IFI16: variants seen among roughly 807,000 people sequenced by gnomAD.
IFI16 encodes gamma-interferon-inducible protein 16.
A neutral mutation model predicts 68.4 loss-of-function variants in IFI16; 49 were observed. The observed-to-expected ratio is 0.72, with a 90% CI of 0.57 to 0.91. The LOEUF (loss-of-function observed/expected upper bound fraction) is 0.91. Ranked by LOEUF, IFI16 falls within the 40% of genes least tolerant of loss-of-function variation. The probability of loss-of-function intolerance (pLI) is 0.00; values close to 1 mark genes in which losing one functional copy is unlikely to be tolerated. For missense variants in IFI16, 878 were observed against 942.9 expected, an observed-to-expected ratio of 0.93 and a Z score of 0.90; for synonymous variants, 307 against 315.0, an observed-to-expected ratio of 0.97 and a Z score of 0.27.
intron 6 of IFI16, among the ~76,000 whole-genome samples, chr1:159,030,549 A>G (rs1251934762): frequency 2.6e-5 from 4 of 152,164 alleles, no homozygotes; most frequent in Admixed American, 6.5e-5. Context: ...GAGCTGAACT[A>G]CAGTGATTGT....
At chr1:159,042,046 C>G (rs114131330) in intron 7 of IFI16, among the ~76,000 whole-genome samples, 1,782 of 152,302 alleles carry the variant, frequency 0.012, 43 homozygotes, top group African/African-American at 0.04. Context: ...TGCACCTAAA[C>G]CTCCCTTAGC....
intron 8 of IFI16, among the ~76,000 whole-genome samples, chr1:159,048,469 G>A (rs1325145593): frequency 6.6e-6 from 1 of 151,468 alleles, no homozygotes; most frequent in African/African-American, 2.4e-5. Flanking sequence ...CCTTTAATGA[G>A]CATAGACTGA....
chr1:159,029,863 G>A (rs561614981), intron 6 of IFI16, among the ~76,000 whole-genome samples: 7 of 152,052 alleles, frequency 4.6e-5, no homozygotes, highest in African/African-American at 1.2e-4. Flanking sequence ...TGTATTTTTA[G>A]TAGAGCCAGG....
chr1:159,018,859 C>T (rs539061155), intron 5 of IFI16, among the ~76,000 whole-genome samples: 2 of 152,292 alleles, frequency 1.3e-5, no homozygotes, highest in East Asian at 1.9e-4. Flanking sequence ...CTTCCCAGAG[C>T]ATTAAACTGT....
chr1:159,052,186 A>G lies in IFI16; in HGVS notation c.2085+88A>G. 4.8e-6 allele frequency: 5 copies of G among 1,037,882 alleles called. No individual in the cohort carries two copies. The Admixed American group carries it at 9.2e-5, about 19-fold the overall frequency. The allele number at this position is 1,037,882 out of a possible 1,614,324, so 64.3% of individuals were successfully genotyped here. ...TTGTCAACTGGAGTTTGGTCAACTT[A>G]CTCAACACAGAAAATCAACCCCTTC... On this transcript the variant is annotated intron_variant, in intron 10 of 11. Coordinates refer to ENST00000295809, the MANE Select transcript of IFI16 (RefSeq NM_001376587.1).
intron 6 of IFI16, among the ~76,000 whole-genome samples, chr1:159,029,488 G>A (rs930589198): frequency 6.6e-6 from 1 of 152,158 alleles, no homozygotes; most frequent in African/African-American, 2.4e-5. Flanking sequence ...TCTCCAGGGT[G>A]TTCCCCGGGT....
chr1:159,018,178 G>A (rs1205064176), intron 4 of IFI16, 51 bp from the exon 5 acceptor site: 4 of 1,495,142 alleles, frequency 2.7e-6, no homozygotes, highest in Middle Eastern at 3.5e-4. Context: ...TAGCAGTTCT[G>A]TATTTCTCAA....
chr1:159,018,511 A>C lies in IFI16; in HGVS notation c.832A>C (p.Thr278Pro). The C allele has an allele frequency of 6.2e-7, 1 of 1,614,058 alleles. No individual in the cohort carries two copies. The highest frequency in any genetic ancestry group is 8.5e-7 in the Non-Finnish European group (1 of 1,179,870). Residue 278 changes from threonine to proline, a missense_variant, in exon 5 of 12, where the codon ACT becomes CCT. By Grantham distance (38) the Thr-to-Pro change is conservative. Transcript: ENST00000295809. Reference protein sequence around the residue: ...DSLLEVNEESTVSEAGPNQTF... With the variant: ...DSLLEVNEESPVSEAGPNQTF... The stretch of plus-strand genomic sequence containing the variant: ...TCTCCTAGAGGTCAATGAAGAATCT[A>C]CTGTATCTGAAGCTGGTCCTAACCA...
chr1:159,012,833 C>T (rs999927313), intron 1 of IFI16, among the ~76,000 whole-genome samples: 2 of 152,106 alleles, frequency 1.3e-5, no homozygotes, highest in South Asian at 2.1e-4. Context: ...AGTTTGAAGA[C>T]GAACTTATTG....
intron 9 of IFI16, 126 bp downstream of exon 9, chr1:159,049,725 T>A (rs56016614): frequency 0.046 from 44,131 of 964,024 alleles, 1,182 homozygotes; most frequent in African/African-American, 0.092. Context: ...AAATCAGTCA[T>A]TTATTTATCA....
At chr1:159,003,648 T>C (rs1044415175), upstream of IFI16, among the ~76,000 whole-genome samples, 1 of 28,666 alleles carries the variant, frequency 3.5e-5, no homozygotes, top group Non-Finnish European at 1.7e-4. Context: ...TCCATAATTC[T>C]GTATTATTAT....
chr1:159,047,529 C>T (rs1170172757), intron 8 of IFI16, among the ~76,000 whole-genome samples: 10 of 149,946 alleles, frequency 6.7e-5, no homozygotes, highest in Non-Finnish European at 1.0e-4. Flanking sequence ...TAAGACCTTG[C>T]CTGCCTAAAT....
intron 6 of IFI16, among the ~76,000 whole-genome samples, chr1:159,031,781 A>C (rs1255426653): frequency 1.3e-5 from 2 of 152,120 alleles, no homozygotes; most frequent in African/African-American, 4.8e-5. Context: ...GCCTATTAAG[A>C]TATATTAGGA....
At position 159,018,315 on chromosome 1, in the gene IFI16, A is replaced by C; in HGVS notation, c.636A>C (p.Thr212=). The C allele has an allele frequency of 6.2e-7, 1 of 1,614,136 alleles. No individual in the cohort carries two copies. Reference sequence around the variant, plus strand: ...CAGTGATAGTGAAGGTACTGAGTACAACAAAGCCATTTGAATATGAGACCC... The same window carrying C: ...CAGTGATAGTGAAGGTACTGAGTACCACAAAGCCATTTGAATATGAGACCC... ...KRPVIVKVLS[T]TKPFEYETPE... is the part of the protein sequence containing the mutation. Residue 212 remains threonine (T), a synonymous_variant, in exon 5 of 12, where the codon ACA becomes ACC. Coordinates refer to ENST00000295809, the MANE Select transcript of IFI16 (RefSeq NM_001376587.1).
chr1:159,027,983 T>C (rs1021565294), intron 6 of IFI16, among the ~76,000 whole-genome samples: 4 of 152,220 alleles, frequency 2.6e-5, no homozygotes, highest in African/African-American at 7.2e-5. Flanking sequence ...ATTTATCTTT[T>C]GTGTTGTTCT....
At chr1:159,001,759 TAA>T (rs1446147557), upstream of IFI16, among the ~76,000 whole-genome samples, 1 of 152,178 alleles carries the variant, frequency 6.6e-6, no homozygotes, top group Admixed American at 6.5e-5. Context: ...ATAAGAAAAT[TAA>T]GACACCTTTT....
intron 11 of IFI16, among the ~76,000 whole-genome samples, chr1:159,054,383 A>T (rs1655554186): frequency 6.6e-6 from 1 of 152,240 alleles, no homozygotes; most frequent in Non-Finnish European, 1.5e-5. Context: ...TCAGGCACAC[A>T]CATGCTCTCA....
chr1:159,049,530 C>T lies in IFI16; in HGVS notation c.1596C>T (p.Gly532=). 1.9e-6 allele frequency: 3 copies of T among 1,604,828 alleles called. No homozygotes were observed. Among genetic ancestry groups the T allele is most frequent in the Non-Finnish European group, 1.7e-6 (2 of 1,175,516 alleles). The part of the protein sequence containing the change: ...HFPGPFMTSI[G]PAESHPHTPQ... Reference sequence around the variant, plus strand: ...CAGGACCGTTCATGACCAGCATAGGCCCAGCTGAGAGCCATCCCCACACTC... The same window carrying T: ...CAGGACCGTTCATGACCAGCATAGGTCCAGCTGAGAGCCATCCCCACACTC... Residue 532 remains glycine (G), a synonymous_variant, in exon 9 of 12, where the codon GGC becomes GGT. Transcript: ENST00000295809.
At chr1:159,038,817 A>G (rs1234470643) in intron 7 of IFI16, among the ~76,000 whole-genome samples, 2 of 152,188 alleles carry the variant, frequency 1.3e-5, no homozygotes, top group African/African-American at 4.8e-5. Context: ...ACTGTTGGGA[A>G]TCCTGAAGGA....
Sources: allele counts gnomAD v4.1 joint callset (sites outside exome capture counted in the v4.1 genomes callset), GRCh38; gene constraint gnomAD v4.1.1; transcripts MANE v1.5; gene names NCBI Gene and HGNC (gene_info 2026-07-23, HGNC 2026-07-21).